The following RIGI variants were observed in gnomAD, a reference collection of about 807,000 sequenced individuals.
RIGI encodes the protein RNA sensor RIG-I.
At chr9:32,495,800 C>G in the RIGI span, among the ~76,000 whole-genome samples, 6 of 151,924 alleles carry the variant, frequency 3.9e-5, no homozygotes, top group Non-Finnish European at 8.8e-5. Context: ...GCTGGGACTA[C>G]AGGCGTGTGA....
At chr9:32,508,240 T>TA in the RIGI span, among the ~76,000 whole-genome samples, 2 of 32,250 alleles carry the variant, frequency 6.2e-5, no homozygotes, top group African/African-American at 2.9e-4. Flanking sequence ...ATTTACTTAA[T>TA]TTTTTTTTTT....
the RIGI span, chr9:32,457,413 G>A: frequency 1.2e-6 from 2 of 1,611,784 alleles, no homozygotes. Flanking sequence ...CAGTGTAATG[G>A]CATTCCTACA....
the RIGI span, among the ~76,000 whole-genome samples, chr9:32,472,548 C>G: frequency 6.6e-6 from 1 of 152,322 alleles, no homozygotes; most frequent in Non-Finnish European, 1.5e-5. Flanking sequence ...TCCAGGTGGG[C>G]CTGGCCTAAT....
At chr9:32,490,418 C>T in the RIGI span, among the ~76,000 whole-genome samples, 4 of 151,678 alleles carry the variant, frequency 2.6e-5, no homozygotes, top group African/African-American at 4.8e-5. Flanking sequence ...AGAATCTTCA[C>T]GTGTCAGAAA....
At chr9:32,495,570 CTGA>C in the RIGI span, among the ~76,000 whole-genome samples, 1 of 151,830 alleles carries the variant, frequency 6.6e-6, no homozygotes, top group South Asian at 2.1e-4. Flanking sequence ...TTGAATTTCT[CTGA>C]TGATTACTGA....
At chr9:32,501,765 A>T in the RIGI span, among the ~76,000 whole-genome samples, 1 of 152,328 alleles carries the variant, frequency 6.6e-6, no homozygotes, top group East Asian at 1.9e-4. Context: ...ATTCTCATAG[A>T]TTAGAAGAAG....
chr9:32,477,132 C>A, the RIGI span: 1 of 1,612,400 alleles, frequency 6.2e-7, no homozygotes, highest in South Asian at 1.1e-5. Flanking sequence ...TGCAGCTTTT[C>A]TGCAAATGGG....
chr9:32,526,074 G>A, the RIGI span: 2 of 1,612,782 alleles, frequency 1.2e-6, no homozygotes, highest in Non-Finnish European at 1.7e-6. Context: ...CCCTAAACCA[G>A]GGGGCCATGT....
chr9:32,514,863 T>A, the RIGI span, among the ~76,000 whole-genome samples: 1 of 152,222 alleles, frequency 6.6e-6, no homozygotes. Flanking sequence ...TAAGCTAATT[T>A]TTTTCAGTTC....
the RIGI span, among the ~76,000 whole-genome samples, chr9:32,465,878 C>A: frequency 6.6e-6 from 1 of 152,282 alleles, no homozygotes; most frequent in Admixed American, 6.5e-5. Flanking sequence ...GAATAGGCAT[C>A]CCATTCCAAG....
the RIGI span, among the ~76,000 whole-genome samples, chr9:32,490,664 T>C: frequency 6.6e-6 from 1 of 152,236 alleles, no homozygotes; most frequent in Non-Finnish European, 1.5e-5. Context: ...TATTATGGCA[T>C]ATTATGCAAC....
At chr9:32,464,504 C>G in the RIGI span, among the ~76,000 whole-genome samples, 2 of 152,144 alleles carry the variant, frequency 1.3e-5, no homozygotes, top group African/African-American at 4.8e-5. Flanking sequence ...ATTCTCCTGC[C>G]TCAGCCTCCC....
chr9:32,518,725 T>C, the RIGI span, among the ~76,000 whole-genome samples: 12 of 152,358 alleles, frequency 7.9e-5, no homozygotes, highest in African/African-American at 2.6e-4. Context: ...AAGCCAGATA[T>C]AGCAACAACC....
At chr9:32,477,189 T>C in the RIGI span, 2 of 1,590,350 alleles carry the variant, frequency 1.3e-6, no homozygotes, top group Non-Finnish European at 1.7e-6. Context: ...TAGAACACAC[T>C]GTGACCTTTA....
chr9:32,478,629 G>A, the RIGI span, among the ~76,000 whole-genome samples: 2 of 152,038 alleles, frequency 1.3e-5, no homozygotes, highest in Admixed American at 6.5e-5. Context: ...GTGCAATCTC[G>A]GCTCACTGCA....
At chr9:32,507,325 G>A in the RIGI span, among the ~76,000 whole-genome samples, 1 of 152,030 alleles carries the variant, frequency 6.6e-6, no homozygotes, top group African/African-American at 2.4e-5. Context: ...TTAAGAATTG[G>A]AGGAGAAGGA....
chr9:32,490,418 C>A, the RIGI span, among the ~76,000 whole-genome samples: 2 of 151,678 alleles, frequency 1.3e-5, no homozygotes, highest in African/African-American at 4.8e-5. Context: ...AGAATCTTCA[C>A]GTGTCAGAAA....
the RIGI span, chr9:32,526,179 T>C: frequency 1.2e-6 from 2 of 1,607,384 alleles, no homozygotes; most frequent in Non-Finnish European, 1.7e-6. Flanking sequence ...CGGCCTCTGC[T>C]TGCAGCTAGC....
the RIGI span, among the ~76,000 whole-genome samples, chr9:32,459,697 A>G: frequency 6.6e-6 from 1 of 152,174 alleles, no homozygotes; most frequent in African/African-American, 2.4e-5. Flanking sequence ...CTAACTTAGT[A>G]TTAGTCAATG....
Sources: allele counts gnomAD v4.1 joint callset (sites outside exome capture counted in the v4.1 genomes callset), GRCh38; gene constraint gnomAD v4.1.1; transcripts MANE v1.5; gene names NCBI Gene and HGNC (gene_info 2026-07-23, HGNC 2026-07-21).